Variants in VENTX observed in about 807,000 individuals in gnomAD.
VENTX encodes VENT homeobox.
VENTX carries 13 observed loss-of-function variants against 10.5 expected under a neutral mutation model. The ratio of observed to expected loss-of-function variants is 1.23; its 90% CI spans 0.80 to 1.96. The LOEUF is 1.96. Ranked by LOEUF, VENTX falls within the 30% of genes most tolerant of loss-of-function variation. The probability of loss-of-function intolerance (pLI) is 0.00; values close to 1 mark genes in which losing one functional copy is unlikely to be tolerated. For missense variants in VENTX, 400 were observed against 341.8 expected, an observed-to-expected ratio of 1.17 and a Z score of -1.34; for synonymous variants, 177 against 150.4, an observed-to-expected ratio of 1.18 and a Z score of -1.29.
intron 1 of VENTX, among the ~76,000 whole-genome samples, chr10:133,239,038 C>G (rs1438074679): frequency 6.6e-6 from 1 of 152,242 alleles, no homozygotes; most frequent in African/African-American, 2.4e-5. Context: ...TTCAGGCTAA[C>G]GTTAAGACAG....
Position 133,240,206 on chromosome 10 carries a change from C to A in VENTX, c.677C>A (p.Ala226Glu), listed in dbSNP as rs74164127. ...GCTTCCTGCTGCGGGCAGCCTCTGG[C>A]GTCCCACCCCCCTACCCCAGGCCGG... Reference protein sequence around the residue: ...AGASCCGQPLASHPPTPGRPS... With the variant: ...AGASCCGQPLESHPPTPGRPS... Residue 226 changes from alanine to glutamate, a missense_variant, in exon 3 of 3, where the codon GCG becomes GAG. By Grantham distance (107) the Ala-to-Glu change is moderately radical. Transcript: ENST00000325980. 115,467 of 1,610,052 alleles carry A rather than the reference C, an allele frequency of 0.072. 4,775 individuals are homozygous for A. The highest frequency in any genetic ancestry group is 0.16 in the Admixed American group (9,475 of 59,784).
rs780771230 is a variant in VENTX, at chr10:133,240,140, G to A, written c.611G>A (p.Gly204Asp). 4 of 1,609,560 alleles carry A rather than the reference G, an allele frequency of 2.5e-6. No homozygotes were observed. The South Asian group carries it at 4.4e-5, about 18-fold the overall frequency. ...ALMLPPGSFW[G>D]LCQVAQEALA... is the part of the protein sequence containing the mutation. Reference sequence around the variant, plus strand: ...ATGCTGCCCCCTGGCTCCTTCTGGGGTCTCTGCCAAGTGGCACAAGAGGCC... The same window carrying A: ...ATGCTGCCCCCTGGCTCCTTCTGGGATCTCTGCCAAGTGGCACAAGAGGCC... The change falls in exon 3 of 3, where the codon GGT (glycine) becomes GAT (aspartate). Residue 204 changes from glycine (G) to aspartate (D), a missense_variant. Transcript: ENST00000325980.
chr10:133,240,538 ATT>A lies in VENTX; in HGVS notation c.*254_*255del, dbSNP rs869069272. 72 of 124,446 alleles carry A rather than the reference ATT, an allele frequency of 5.8e-4. No individual in the cohort carries two copies. The highest frequency in any genetic ancestry group is 8.8e-4 in the Non-Finnish European group (56 of 63,338). The allele number at this position is 124,446 out of a possible 1,614,324, so 7.7% of individuals were successfully genotyped here. Reference sequence around the variant, plus strand: ...CATATGTGTGTGTATATATATATATATTTTTTTTTTTTTTTTTTTTTTTGAGA... The same window carrying A: ...CATATGTGTGTGTATATATATATATATTTTTTTTTTTTTTTTTTTTTGAGA... On this transcript the variant is annotated 3_prime_UTR_variant, in exon 3 of 3. Transcript: ENST00000325980.
At position 133,238,443 on chromosome 10, in the gene VENTX, G is replaced by A. The variant is rs1422018930; in HGVS notation, c.241+288G>A. 2.2e-4 allele frequency among the ~76,000 whole-genome samples: 34 copies of A among 152,216 alleles called. 1 individual carries two copies. The highest frequency in any genetic ancestry group is 2.2e-3 in the Admixed American group (33 of 15,302). ...GTGTCTTCGTCCCCCACCCCGGCCT[G>A]GTGCCGAGGGACCGTCCAAGGGGTC... On this transcript the variant is annotated intron_variant, in intron 1 of 2. Transcript: ENST00000325980.
At position 133,239,697 on chromosome 10, in the gene VENTX, C is replaced by T; in HGVS notation, c.263C>T (p.Thr88Ile). 3 of 1,611,112 alleles carry T rather than the reference C, an allele frequency of 1.9e-6. No homozygotes were observed. The highest frequency in any genetic ancestry group is 1.7e-6 in the Non-Finnish European group (2 of 1,180,014). ...TMAGLSKEPNTLRAPRVRTAF... is the reference protein window; with the variant it reads ...TMAGLSKEPNILRAPRVRTAF... ...TCAGGGTTGAGTAAGGAGCCAAATA[C>T]CTTGCGGGCCCCCCGTGTCCGCACA... The change falls in exon 2 of 3, where the codon ACC (threonine) becomes ATC (isoleucine). Residue 88 changes from threonine to isoleucine, a missense_variant. Thr to Ile is a moderately conservative substitution (Grantham distance 89). Transcript: ENST00000325980.
Position 133,240,870 on chromosome 10 carries a change from C to G in VENTX, c.*564C>G, listed in dbSNP as rs965032506. On this transcript the variant is annotated 3_prime_UTR_variant, in exon 3 of 3. Transcript: ENST00000325980. Reference sequence around the variant, plus strand: ...GAGAATATATTTATTAAAGCCACCTCTTCACTGAAAGTTACCGAAAGAGTC... The same window carrying G: ...GAGAATATATTTATTAAAGCCACCTGTTCACTGAAAGTTACCGAAAGAGTC... 6.6e-6 allele frequency: 1 copy of G among 152,096 alleles called. No homozygotes were observed. Among genetic ancestry groups the G allele is most frequent in the African/African-American group, 2.4e-5 (1 of 41,400 alleles). The allele number at this position is 152,096 out of a possible 1,614,324, so 9.4% of individuals were successfully genotyped here. A position where few individuals can be genotyped will look rare whatever the true frequency, so the allele number is the denominator to read the frequency against.
chr10:133,237,927 T>C lies in VENTX; in HGVS notation c.13T>C (p.Ser5Pro). Reference sequence around the variant, plus strand: ...CCACCTGGCCGCCATGCGCCTCTCCTCCTCCCCACCTCGTGGCCCGCAGCA... The same window carrying C: ...CCACCTGGCCGCCATGCGCCTCTCCCCCTCCCCACCTCGTGGCCCGCAGCA... MRLS[S>P]SPPRGPQQLS... Residue 5 changes from serine to proline, a missense_variant, in exon 1 of 3, where the codon TCC (serine) becomes CCC (proline). Physicochemically the swap from Ser to Pro is moderately conservative, Grantham distance 74 (BLOSUM62 -1). Coordinates refer to ENST00000325980, the MANE Select transcript of VENTX (RefSeq NM_014468.4). 2 of 1,591,504 alleles carry C rather than the reference T, an allele frequency of 1.3e-6. No homozygotes were observed. The highest frequency in any genetic ancestry group is 8.5e-7 in the Non-Finnish European group (1 of 1,175,632).
In VENTX at chr10:133,240,407, C is replaced by T. The variant is rs1013850391; in HGVS notation, c.*101C>T. The T allele has an allele frequency of 1.9e-5, 26 of 1,385,808 alleles. No homozygotes were observed. Among genetic ancestry groups the T allele is most frequent in the African/African-American group, 4.4e-5 (3 of 68,472 alleles). The allele number at this position is 1,385,808 out of a possible 1,614,324, so 85.8% of individuals were successfully genotyped here. ...GTTTACATCCTGGTGGCACCTCTCA[C>T]CCTGACCCACACAAAGGTTCTGGAG... On this transcript the variant is annotated 3_prime_UTR_variant, in exon 3 of 3. Transcript: ENST00000325980.
chr10:133,238,255 ACT>A, intron 1 of VENTX, 100 bp downstream of exon 1: 1 of 1,407,062 alleles, frequency 7.1e-7, no homozygotes, highest in Non-Finnish European at 9.3e-7. Context: ...TGCCCTGCCC[ACT>A]AGGTCAGGGC....
chr10:133,238,108 A>G lies in VENTX; in HGVS notation c.194A>G (p.Glu65Gly). ...REPPQAVSIK[E>G]AAGSSNLPAP... is the part of the protein sequence containing the mutation. Reference sequence around the variant, plus strand: ...CCCCCTCAGGCCGTCAGCATCAAGGAGGCCGCCGGGTCCTCAAATCTGCCT... The same window carrying G: ...CCCCCTCAGGCCGTCAGCATCAAGGGGGCCGCCGGGTCCTCAAATCTGCCT... Residue 65 changes from glutamate to glycine, a missense_variant, in exon 1 of 3, where the codon GAG (glutamate) becomes GGG (glycine). Transcript: ENST00000325980. 1 of 1,602,494 alleles carries G rather than the reference A, an allele frequency of 6.2e-7. No individual in the cohort carries two copies. Among genetic ancestry groups the G allele is most frequent in the Non-Finnish European group, 8.5e-7 (1 of 1,175,956 alleles).
Position 133,241,283 on chromosome 10 carries a change from T to C in VENTX, c.*977T>C, listed in dbSNP as rs114178740. Reference sequence around the variant, plus strand: ...CAGGGAAAGCAGGGCAGCCGGGACCTGCGGCTGTGCCTGGACTGAAGCTGT... The same window carrying C: ...CAGGGAAAGCAGGGCAGCCGGGACCCGCGGCTGTGCCTGGACTGAAGCTGT... On this transcript the variant is annotated 3_prime_UTR_variant, in exon 3 of 3. Transcript: ENST00000325980. 0.011 allele frequency: 1,637 copies of C among 153,736 alleles called. 32 individuals are homozygous for C. Among genetic ancestry groups the C allele is most frequent in the African/African-American group, 0.036 (1,509 of 41,618 alleles). The allele number at this position is 153,736 out of a possible 1,614,324, so 9.5% of individuals were successfully genotyped here.
intron 1 of VENTX, among the ~76,000 whole-genome samples, chr10:133,238,463 G>C (rs536978735): frequency 6.6e-6 from 1 of 152,288 alleles, no homozygotes; most frequent in African/African-American, 2.4e-5. Context: ...GACCGTCCAA[G>C]GGGTCCCCGT....
Position 133,237,930 on chromosome 10 carries a change from T to C in VENTX, c.16T>C (p.Ser6Pro). Reference sequence around the variant, plus strand: ...CCTGGCCGCCATGCGCCTCTCCTCCTCCCCACCTCGTGGCCCGCAGCAGCT... The same window carrying C: ...CCTGGCCGCCATGCGCCTCTCCTCCCCCCCACCTCGTGGCCCGCAGCAGCT... MRLSS[S>P]PPRGPQQLSS... The change falls in exon 1 of 3, where the codon TCC becomes CCC. Residue 6 changes from serine to proline, a missense_variant. Coordinates refer to ENST00000325980, the MANE Select transcript of VENTX (RefSeq NM_014468.4). The C allele has an allele frequency of 6.3e-7, 1 of 1,593,110 alleles. No homozygotes were observed. The highest frequency in any genetic ancestry group is 8.5e-7 in the Non-Finnish European group (1 of 1,176,286).
Position 133,240,216 on chromosome 10 carries a change from C to T in VENTX, c.687C>T (p.Pro229=), listed in dbSNP as rs751102017. 1 of 1,611,222 alleles carries T rather than the reference C, an allele frequency of 6.2e-7. No individual in the cohort carries two copies. Among genetic ancestry groups the T allele is most frequent in the Non-Finnish European group, 8.5e-7 (1 of 1,179,704 alleles). The change falls in exon 3 of 3, where the codon CCC becomes CCT. Residue 229 remains proline, a synonymous_variant. Coordinates refer to ENST00000325980, the MANE Select transcript of VENTX (RefSeq NM_014468.4). Reference sequence around the variant, plus strand: ...GCGGGCAGCCTCTGGCGTCCCACCCCCCTACCCCAGGCCGGCCTTCGCTGG... The same window carrying T: ...GCGGGCAGCCTCTGGCGTCCCACCCTCCTACCCCAGGCCGGCCTTCGCTGG... ...SCCGQPLASH[P]PTPGRPSLGP...
rs1196595647 is a variant in VENTX, at chr10:133,237,892, T to C, written c.-23T>C. The C allele has an allele frequency of 6.4e-7, 1 of 1,562,248 alleles. No individual in the cohort carries two copies. Among genetic ancestry groups the C allele is most frequent in the East Asian group, 2.3e-5 (1 of 43,358 alleles). On this transcript the variant is annotated 5_prime_UTR_variant, in exon 1 of 3. Transcript: ENST00000325980. ...GCGCCTGGCCAGCCCCGCCTGGCCT[T>C]CCCTCCGGCCCACCTGGCCGCCATG...
In VENTX at chr10:133,240,483, C is replaced by A; in HGVS notation, c.*177C>A. The A allele has an allele frequency of 3.3e-6, 1 of 304,938 alleles. No individual in the cohort carries two copies. The allele number at this position is 304,938 out of a possible 1,614,324, so 18.9% of individuals were successfully genotyped here. ...ATATATGTACGTATATATGTAAATACACATATACGTATATATAAATATATA... is the reference window on the plus strand; with the variant it reads ...ATATATGTACGTATATATGTAAATAAACATATACGTATATATAAATATATA... On this transcript the variant is annotated 3_prime_UTR_variant, in exon 3 of 3. Coordinates refer to ENST00000325980, the MANE Select transcript of VENTX (RefSeq NM_014468.4).
Position 133,239,730 on chromosome 10 carries a change from C to T in VENTX, c.296C>T (p.Thr99Ile), listed in dbSNP as rs1476560952. ...GCCCCCCGTGTCCGCACAGCCTTCA[C>T]CATGGAGCAGGTCCGCACCTTGGAG... ...LRAPRVRTAF[T>I]MEQVRTLEGV... is the part of the protein sequence containing the mutation. Residue 99 changes from threonine to isoleucine, a missense_variant, in exon 2 of 3, where the codon ACC becomes ATC. Physicochemically the swap from Thr to Ile is moderately conservative, Grantham distance 89. Coordinates refer to ENST00000325980, the MANE Select transcript of VENTX (RefSeq NM_014468.4). 1.9e-6 allele frequency: 3 copies of T among 1,611,224 alleles called. No homozygotes were observed. The highest frequency in any genetic ancestry group is 1.7e-6 in the Non-Finnish European group (2 of 1,180,022).
intron 1 of VENTX, 32 bp from the exon 2 acceptor site, chr10:133,239,644 G>A (rs758261996): frequency 9.9e-6 from 16 of 1,608,962 alleles, no homozygotes; most frequent in Non-Finnish European, 1.2e-5. Context: ...GGGGTGGCAT[G>A]TTGAGCCAAA....
chr10:133,238,157 T>A lies in VENTX; in HGVS notation c.241+2T>A. The A allele has an allele frequency of 6.3e-7, 1 of 1,586,854 alleles. No homozygotes were observed. Among genetic ancestry groups the A allele is most frequent in the Non-Finnish European group, 8.6e-7 (1 of 1,165,442 alleles). On this transcript the variant is annotated splice_donor_variant, in intron 1 of 2. Coordinates refer to ENST00000325980, the MANE Select transcript of VENTX (RefSeq NM_014468.4). LOFTEE classifies it high-confidence loss of function. ...CTGCGCCGGAGAGGACCATGGCCGG[T>A]AGGTCCGGGTGGGGGGGGTCCCTTC...
Sources: gnomAD v4.1 joint callset for allele counts (sites outside exome capture counted in the v4.1 genomes callset) on GRCh38, gnomAD v4.1.1 for gene constraint, MANE v1.5 for transcripts, NCBI Gene and HGNC (gene_info 2026-07-23, HGNC 2026-07-21) for gene names.